Variants in LRRC4C observed in about 807,000 individuals in gnomAD.
LRRC4C encodes leucine-rich repeat-containing protein 4C.
A neutral mutation model predicts 33.6 loss-of-function variants in LRRC4C; 5 were observed. That is an observed-to-expected ratio of 0.15 (90% CI 0.08 to 0.31). The LOEUF (loss-of-function observed/expected upper bound fraction) is 0.31, where lower values mean the gene tolerates loss of function less well. Ranked by LOEUF, LRRC4C falls within the 10% of genes least tolerant of loss-of-function variation. The probability of loss-of-function intolerance (pLI) is 1.00; values close to 1 mark genes in which losing one functional copy is unlikely to be tolerated. For synonymous variants in LRRC4C, 329 were observed against 302.0 expected, an observed-to-expected ratio of 1.09 and a Z score of -0.93; for missense variants, 560 against 796.7, an observed-to-expected ratio of 0.70 and a Z score of 3.58.
At chr11:40,222,690 A>G (rs1007014683) in intron 5 of LRRC4C, among the ~76,000 whole-genome samples, 2 of 152,198 alleles carry the variant, frequency 1.3e-5, no homozygotes, top group Non-Finnish European at 2.9e-5. Context: ...ATCACCTTCT[A>G]TGTTAAAACT....
chr11:40,746,180 T>A (rs1245319341), intron 2 of LRRC4C, among the ~76,000 whole-genome samples: 2 of 152,126 alleles, frequency 1.3e-5, no homozygotes, highest in African/African-American at 4.8e-5. Context: ...GTTTCCACCA[T>A]GGACTCATGA....
chr11:40,556,355 A>T (rs903645920), intron 3 of LRRC4C, among the ~76,000 whole-genome samples: 1 of 152,224 alleles, frequency 6.6e-6, no homozygotes, highest in African/African-American at 2.4e-5. Context: ...GAGATATTTC[A>T]ATCAGCAAGG....
chr11:40,395,680 A>G (rs139801829), intron 3 of LRRC4C, among the ~76,000 whole-genome samples: 2 of 152,250 alleles, frequency 1.3e-5, no homozygotes, highest in African/African-American at 2.4e-5. Flanking sequence ...AATTCTCCAG[A>G]GTGCTTATTA....
At chr11:40,620,861 A>G (rs1962382756) in intron 3 of LRRC4C, among the ~76,000 whole-genome samples, 1 of 151,816 alleles carries the variant, frequency 6.6e-6, no homozygotes, top group Non-Finnish European at 1.5e-5. Flanking sequence ...TTTGCACTGT[A>G]AATGTATGAG....
At chr11:40,856,878 A>G (rs1953809943) in intron 2 of LRRC4C, among the ~76,000 whole-genome samples, 1 of 152,188 alleles carries the variant, frequency 6.6e-6, no homozygotes, top group South Asian at 2.1e-4. Flanking sequence ...CAGAGAGACC[A>G]TAGATACAGG....
intron 1 of LRRC4C, chr11:41,122,765 A>G (rs1346404042): frequency 4.6e-5 from 7 of 152,100 alleles, no homozygotes; most frequent in Non-Finnish European, 1.0e-4. Flanking sequence ...GAACTATAGC[A>G]GGTAGAGTAT....
At chr11:41,282,271 A>G (rs922109680) in intron 1 of LRRC4C, among the ~76,000 whole-genome samples, 2 of 152,200 alleles carry the variant, frequency 1.3e-5, no homozygotes, top group African/African-American at 4.8e-5. Flanking sequence ...TTTGAGGTGC[A>G]AGTGAAATTA....
intron 3 of LRRC4C, among the ~76,000 whole-genome samples, chr11:40,527,242 A>T (rs908705084): frequency 6.6e-6 from 1 of 152,106 alleles, no homozygotes; most frequent in Non-Finnish European, 1.5e-5. Context: ...CAAGCTATTC[A>T]CCTATGTTTG....
At chr11:41,236,391 A>G (rs1948023459) in intron 1 of LRRC4C, among the ~76,000 whole-genome samples, 1 of 152,048 alleles carries the variant, frequency 6.6e-6, no homozygotes. Context: ...TGAGATAATC[A>G]TTCCAAAATA....
intron 5 of LRRC4C, among the ~76,000 whole-genome samples, chr11:40,225,953 G>T (rs1864765005): frequency 6.6e-6 from 1 of 152,170 alleles, no homozygotes; most frequent in African/African-American, 2.4e-5. Context: ...TCTTTCTTTA[G>T]ATTTAGATTC....
At chr11:40,196,451 C>G (rs772924081) in intron 5 of LRRC4C, among the ~76,000 whole-genome samples, 2 of 152,224 alleles carry the variant, frequency 1.3e-5, no homozygotes, top group East Asian at 1.9e-4. Context: ...CTGCCCATGA[C>G]TTGATTCCCT....
intron 3 of LRRC4C, among the ~76,000 whole-genome samples, chr11:40,392,108 A>G (rs1420050653): frequency 6.6e-6 from 1 of 152,178 alleles, no homozygotes; most frequent in Non-Finnish European, 1.5e-5. Context: ...ACACAGTAGC[A>G]AGATCAGTGG....
At chr11:40,312,234 C>T (rs1454632568) in intron 4 of LRRC4C, among the ~76,000 whole-genome samples, 2 of 152,194 alleles carry the variant, frequency 1.3e-5, no homozygotes, top group Admixed American at 6.5e-5. Flanking sequence ...TTATTGTTAC[C>T]TTAATCGATA....
chr11:41,003,937 A>G (rs543006343), intron 1 of LRRC4C, among the ~76,000 whole-genome samples: 2 of 152,114 alleles, frequency 1.3e-5, no homozygotes, highest in East Asian at 3.9e-4. Context: ...CAAAGGTCAC[A>G]TTCCAAAGTC....
At chr11:40,270,116 G>A (rs1048550366) in intron 4 of LRRC4C, among the ~76,000 whole-genome samples, 9 of 152,150 alleles carry the variant, frequency 5.9e-5, no homozygotes, top group East Asian at 5.8e-4. Flanking sequence ...AGGGGAGAAT[G>A]TATTCCTTAT....
At chr11:40,733,734 C>T (rs953459129) in intron 2 of LRRC4C, among the ~76,000 whole-genome samples, 2 of 152,174 alleles carry the variant, frequency 1.3e-5, no homozygotes, top group African/African-American at 2.4e-5. Flanking sequence ...TAAAATAGAT[C>T]TGATCCTAAT....
chr11:41,294,048 A>G (rs1950069458), intron 1 of LRRC4C, among the ~76,000 whole-genome samples: 1 of 152,206 alleles, frequency 6.6e-6, no homozygotes, highest in South Asian at 2.1e-4. Flanking sequence ...CTCACTACAT[A>G]GAACAGAAAA....
chr11:40,812,233 A>T (rs1296260315), intron 2 of LRRC4C, among the ~76,000 whole-genome samples: 1 of 152,180 alleles, frequency 6.6e-6, no homozygotes, highest in African/African-American at 2.4e-5. Flanking sequence ...TAGAAAGCAC[A>T]TGGGTTTTCA....
chr11:40,524,111 C>T (rs935202022), intron 3 of LRRC4C, among the ~76,000 whole-genome samples: 1 of 152,150 alleles, frequency 6.6e-6, no homozygotes, highest in Non-Finnish European at 1.5e-5. Context: ...CTCAAAAGTC[C>T]AAACAAGTAA....
Sources: gnomAD v4.1 joint callset for allele counts (sites outside exome capture counted in the v4.1 genomes callset) on GRCh38, gnomAD v4.1.1 for gene constraint, MANE v1.5 for transcripts, NCBI Gene and HGNC (gene_info 2026-07-23, HGNC 2026-07-21) for gene names.